Variants in HERC3 observed in about 807,000 individuals in gnomAD.
HERC3 encodes probable E3 ubiquitin-protein ligase HERC3.
In HERC3, 58 loss-of-function variants were observed where a neutral mutation model predicts 129.9. That is an observed-to-expected ratio of 0.45 (90% confidence interval 0.36 to 0.56). HERC3 has a LOEUF of 0.56. HERC3 is among the 20% of genes least tolerant of loss of function. The probability of loss-of-function intolerance (pLI) is 0.00; values close to 1 mark genes in which losing one functional copy is unlikely to be tolerated. For synonymous variants in HERC3, 430 were observed against 451.0 expected, an observed-to-expected ratio of 0.95 and a Z score of 0.59; for missense variants, 835 against 1,244.2, an observed-to-expected ratio of 0.67 and a Z score of 4.95.
intron 1 of HERC3, among the ~76,000 whole-genome samples, chr4:88,595,281 A>G (rs1048761240): frequency 6.6e-6 from 1 of 152,052 alleles, no homozygotes; most frequent in Non-Finnish European, 1.5e-5. Context: ...CATTTTTACT[A>G]CTCCCTATCA....
intron 3 of HERC3, among the ~76,000 whole-genome samples, chr4:88,639,006 A>G (rs1578218752): frequency 6.6e-6 from 1 of 152,182 alleles, no homozygotes; most frequent in Admixed American, 6.5e-5. Flanking sequence ...TACAAAGAGA[A>G]TAAAATACCT....
chr4:88,681,127 CT>C, intron 20 of HERC3, 31 bp from the exon 21 acceptor site: 1 of 1,554,338 alleles, frequency 6.4e-7, no homozygotes, highest in African/African-American at 1.4e-5. Context: ...CATTGCATTT[CT>C]TTTTAACACA....
At chr4:88,678,417 CAG>C (rs1732397463) in intron 19 of HERC3, among the ~76,000 whole-genome samples, 1 of 152,094 alleles carries the variant, frequency 6.6e-6, no homozygotes, top group African/African-American at 2.4e-5. Context: ...CAAACAACAA[CAG>C]AAACGAAAGC....
intron 3 of HERC3, among the ~76,000 whole-genome samples, chr4:88,640,421 G>T (rs1727953274): frequency 6.6e-6 from 1 of 152,216 alleles, no homozygotes; most frequent in Non-Finnish European, 1.5e-5. Context: ...CATGTCCTTT[G>T]TCAGGACATT....
Position 88,605,858 on chromosome 4 carries a change from C to A in HERC3, c.35C>A (p.Pro12His), listed in dbSNP as rs764991535. The change falls in exon 3 of 26, where the codon CCT becomes CAT. Residue 12 changes from proline to histidine, a missense_variant. By Grantham distance (77) the Pro-to-His change is moderately conservative. Transcript: ENST00000402738. ...LCWGYWSLGQPGISTNLQGIV... is the reference protein window; with the variant it reads ...LCWGYWSLGQHGISTNLQGIV... ...TGGGGATATTGGTCTCTGGGCCAAC[C>A]TGGTATCAGCACCAACCTGCAGGGA... The A allele has an allele frequency of 8.7e-6, 14 of 1,614,060 alleles. No individual in the cohort carries two copies. Among genetic ancestry groups the A allele is most frequent in the Non-Finnish European group, 1.2e-5 (14 of 1,180,028 alleles).
Position 88,676,369 on chromosome 4 carries a change from T to C in HERC3, c.1971T>C (p.Phe657=). The C allele has an allele frequency of 6.2e-7, 1 of 1,613,168 alleles. No homozygotes were observed. The highest frequency in any genetic ancestry group is 8.5e-7 in the Non-Finnish European group (1 of 1,179,204). ...CACTTTGTTCCTACCCTTTCATCTT[T>C]GATGCCCAAGCCAAGACCAAAATGT... The part of the protein sequence containing the change: ...TVTLCSYPFI[F]DAQAKTKMLQ... The change falls in exon 18 of 26, where the codon TTT becomes TTC. Residue 657 remains phenylalanine (F), a synonymous_variant. Coordinates refer to ENST00000402738, the MANE Select transcript of HERC3 (RefSeq NM_014606.3).
intron 2 of HERC3, among the ~76,000 whole-genome samples, chr4:88,600,561 A>C (rs142333645): frequency 1.3e-5 from 2 of 152,370 alleles, no homozygotes; most frequent in South Asian, 2.1e-4. Context: ...TTTCAGCCTC[A>C]CATCAGTGCT....
intron 5 of HERC3, among the ~76,000 whole-genome samples, 160 bp downstream of exon 5, chr4:88,652,248 C>G (rs1211484599): frequency 6.6e-6 from 1 of 152,194 alleles, no homozygotes; most frequent in Non-Finnish European, 1.5e-5. Flanking sequence ...CTTTGCATAG[C>G]TCATCCTTTT....
chr4:88,654,619 A>C (rs531425571), intron 7 of HERC3, among the ~76,000 whole-genome samples: 1 of 150,928 alleles, frequency 6.6e-6, no homozygotes, highest in East Asian at 1.9e-4. Context: ...TTAAATATGT[A>C]AAAAAGAAAC....
At chr4:88,680,308 T>C (rs1445651005) in intron 20 of HERC3, 72 bp downstream of exon 20, 4 of 1,155,758 alleles carry the variant, frequency 3.5e-6, no homozygotes, top group Non-Finnish European at 4.8e-6. Flanking sequence ...ACCAATCCCC[T>C]AACTTCTAAC....
chr4:88,613,782 G>C (rs9307051), intron 3 of HERC3, among the ~76,000 whole-genome samples: 7,111 of 152,280 alleles, frequency 0.047, 212 homozygotes, highest in Middle Eastern at 0.12. Flanking sequence ...TATTAGGAAT[G>C]GCAGGTGGTT....
chr4:88,682,419 C>A (rs1329637072), intron 21 of HERC3, among the ~76,000 whole-genome samples: 1 of 151,610 alleles, frequency 6.6e-6, no homozygotes, highest in Non-Finnish European at 1.5e-5. Flanking sequence ...TGTGCTGCAC[C>A]CATTAACTCG....
At chr4:88,597,252 C>A (rs1054507136) in intron 2 of HERC3, among the ~76,000 whole-genome samples, 1 of 152,194 alleles carries the variant, frequency 6.6e-6, no homozygotes, top group Non-Finnish European at 1.5e-5. Context: ...TTCAGTTCTT[C>A]ACTTGTATTA....
chr4:88,557,256 C>G, the HERC3 span, among the ~76,000 whole-genome samples: 4 of 152,164 alleles, frequency 2.6e-5, no homozygotes, highest in South Asian at 2.1e-4. Context: ...CATCATTGGA[C>G]TAGAAGTTAC....
intron 3 of HERC3, among the ~76,000 whole-genome samples, chr4:88,612,289 CTGTGTGTGTGTGTGTG>C (rs3220740): frequency 7.1e-5 from 10 of 141,704 alleles, no homozygotes; most frequent in East Asian, 2.0e-4. Context: ...ATGTGACCAA[CTGTGTGTGTGTGTGTG>C]TGTGTGTGTG....
chr4:88,592,562 G>C lies in HERC3; in HGVS notation c.-100G>C, dbSNP rs1432372873. Reference sequence around the variant, plus strand: ...CAGTCGGAGTCCCAAGCTGCGGTTCGGCTGCTGCCGAGGTGCGCAGGGCGG... The same window carrying C: ...CAGTCGGAGTCCCAAGCTGCGGTTCCGCTGCTGCCGAGGTGCGCAGGGCGG... On this transcript the variant is annotated 5_prime_UTR_variant, in exon 1 of 26. Coordinates refer to ENST00000402738, the MANE Select transcript of HERC3 (RefSeq NM_014606.3). 3 of 152,442 alleles carry C rather than the reference G, an allele frequency of 2.0e-5. No homozygotes were observed. Among genetic ancestry groups the C allele is most frequent in the Non-Finnish European group, 4.4e-5 (3 of 68,224 alleles). 9.4% of individuals were successfully genotyped at this position (152,442 alleles called of 1,614,324 possible).
chr4:88,546,484 C>T, the HERC3 span, among the ~76,000 whole-genome samples: 2 of 150,932 alleles, frequency 1.3e-5, no homozygotes, highest in African/African-American at 2.4e-5. Flanking sequence ...CTTTGTTTCC[C>T]CTCCCTCCCT....
chr4:88,630,989 T>G (rs1238433355), intron 3 of HERC3, among the ~76,000 whole-genome samples: 1 of 152,234 alleles, frequency 6.6e-6, no homozygotes, highest in Non-Finnish European at 1.5e-5. Flanking sequence ...CCATATGTTA[T>G]TATTGACTTC....
intron 23 of HERC3, among the ~76,000 whole-genome samples, chr4:88,689,517 TC>T (rs1297487465): frequency 1.1e-5 from 1 of 87,044 alleles, no homozygotes; most frequent in Non-Finnish European, 2.3e-5. Flanking sequence ...AGACCTCATC[TC>T]CCCCCGCCCC....
Sources: gnomAD v4.1 joint callset for allele counts (sites outside exome capture counted in the v4.1 genomes callset) on GRCh38, gnomAD v4.1.1 for gene constraint, MANE v1.5 for transcripts, NCBI Gene and HGNC (gene_info 2026-07-23, HGNC 2026-07-21) for gene names.